PCCA: variants seen among roughly 807,000 people sequenced by gnomAD.
PCCA encodes propionyl-CoA carboxylase subunit alpha.
In PCCA, 74 loss-of-function variants were observed where a neutral mutation model predicts 101.3. The observed-to-expected ratio is 0.73, with a 90% CI of 0.61 to 0.89. The LOEUF (loss-of-function observed/expected upper bound fraction) is 0.89. Ranked by LOEUF, PCCA falls within the 40% of genes least tolerant of loss-of-function variation. PCCA has a pLI of 0.00. For synonymous variants in PCCA, 294 were observed against 313.6 expected (o/e 0.94, Z 0.66); for missense variants, 891 against 907.0 (o/e 0.98, Z 0.23).
At chr13:100,524,983 GGATAGATAGATAGATAGATAGATA>G (rs201979758) in intron 22 of PCCA, among the ~76,000 whole-genome samples, 33 of 137,276 alleles carry the variant, frequency 2.4e-4, no homozygotes, top group African/African-American at 6.8e-4. Flanking sequence ...TCTCTAAGAT[GGATAGATAGATAGATAGATAGATA>G]GATAGATAGA....
chr13:100,272,893 A>G (rs531805916), intron 11 of PCCA, among the ~76,000 whole-genome samples: 1 of 152,326 alleles, frequency 6.6e-6, no homozygotes, highest in South Asian at 2.1e-4. Flanking sequence ...TTCTGAATAT[A>G]TATGTTAAAT....
intron 6 of PCCA, among the ~76,000 whole-genome samples, chr13:100,177,060 A>G (rs550437441): frequency 8.6e-4 from 131 of 152,354 alleles, no homozygotes; most frequent in Non-Finnish European, 1.5e-3. Context: ...CATGCGTCCT[A>G]TCACTGCATT....
rs2065560519 is a variant in PCCA, at chr13:100,296,674, T to A, written c.1066-4786T>A. 2.0e-5 allele frequency among the ~76,000 whole-genome samples: 3 copies of A among 152,232 alleles called. No homozygotes were observed. In the South Asian group the frequency reaches 6.2e-4, roughly 32 times the overall value. On this transcript the variant is annotated intron_variant, in intron 12 of 23. Coordinates refer to ENST00000376285, the MANE Select transcript of PCCA (RefSeq NM_000282.4). ...ACCACATTTACTTTATCTTTCTATC[T>A]ATATCTGTATTTACTGGAAGCATTT...
At chr13:100,482,014 A>T (rs2083983492) in intron 21 of PCCA, among the ~76,000 whole-genome samples, 1 of 152,214 alleles carries the variant, frequency 6.6e-6, no homozygotes, top group Non-Finnish European at 1.5e-5. Context: ...TGAATAATAA[A>T]AATAATATAT....
At position 100,257,649 on chromosome 13, in the gene PCCA, T is replaced by G. The variant is rs148972617; in HGVS notation, c.692T>G (p.Ile231Ser). 6 of 1,613,322 alleles carry G rather than the reference T, an allele frequency of 3.7e-6. No individual in the cohort carries two copies. Among genetic ancestry groups the G allele is most frequent in the Non-Finnish European group, 3.4e-6 (4 of 1,179,412 alleles). ...SAGGGGKGMR[I>S]AWDDEETRDG... is the part of the protein sequence containing the mutation. Reference sequence around the variant, plus strand: ...GGTGGTGGTGGGAAAGGCATGCGCATTGCTTGGGATGATGAAGAGACCAGG... The same window carrying G: ...GGTGGTGGTGGGAAAGGCATGCGCAGTGCTTGGGATGATGAAGAGACCAGG... The change falls in exon 9 of 24, where the codon ATT becomes AGT. Residue 231 changes from isoleucine (I) to serine (S), a missense_variant. By Grantham distance (142) the Ile-to-Ser change is moderately radical. Transcript: ENST00000376285.
intron 12 of PCCA, among the ~76,000 whole-genome samples, chr13:100,273,911 T>A (rs936242488): frequency 6.6e-6 from 1 of 152,212 alleles, no homozygotes; most frequent in Admixed American, 6.5e-5. Flanking sequence ...ACCGGTGGCT[T>A]TATTTCCTTC....
At chr13:100,242,808 G>A (rs1316464258) in intron 8 of PCCA, among the ~76,000 whole-genome samples, 1 of 152,068 alleles carries the variant, frequency 6.6e-6, no homozygotes, top group African/African-American at 2.4e-5. Flanking sequence ...AATAGTATAG[G>A]ATTCTCTGCA....
At chr13:100,271,020 G>A (rs1361446732) in intron 11 of PCCA, among the ~76,000 whole-genome samples, 1 of 149,722 alleles carries the variant, frequency 6.7e-6, no homozygotes, top group Non-Finnish European at 1.5e-5. Context: ...CCCACCCCCC[G>A]AAAAATAAAA....
intron 18 of PCCA, among the ~76,000 whole-genome samples, chr13:100,349,613 A>G (rs74243364): frequency 0.019 from 2,856 of 152,258 alleles, 109 homozygotes; most frequent in East Asian, 0.12. Flanking sequence ...GTATTTGAGC[A>G]GGGGTTAAAG....
chr13:100,489,475 A>C (rs1160708204), intron 21 of PCCA, among the ~76,000 whole-genome samples: 1 of 152,238 alleles, frequency 6.6e-6, no homozygotes, highest in Admixed American at 6.5e-5. Context: ...CCTCTGACCT[A>C]GATGATTAGT....
At chr13:100,192,109 T>A (rs1364907510) in intron 6 of PCCA, among the ~76,000 whole-genome samples, 2 of 152,218 alleles carry the variant, frequency 1.3e-5, no homozygotes, top group African/African-American at 4.8e-5. Context: ...TCTTTTATTA[T>A]TTATGCAGTT....
At chr13:100,306,221 C>T (rs1374230667) in intron 14 of PCCA, among the ~76,000 whole-genome samples, 1 of 152,198 alleles carries the variant, frequency 6.6e-6, no homozygotes, top group Non-Finnish European at 1.5e-5. Context: ...AGGCTTCTTC[C>T]CACAGGTGGA....
intron 6 of PCCA, among the ~76,000 whole-genome samples, chr13:100,195,516 A>G (rs2058053605): frequency 6.6e-6 from 1 of 152,166 alleles, no homozygotes; most frequent in Admixed American, 6.5e-5. Flanking sequence ...AATTCATCCC[A>G]AAGCTTGTTT....
At position 100,089,102 on chromosome 13, in the gene PCCA, G is replaced by T; in HGVS notation, c.-19G>T. The T allele has an allele frequency of 6.8e-7, 1 of 1,470,722 alleles. No homozygotes were observed. 91.1% of individuals were successfully genotyped at this position (1,470,722 alleles called of 1,614,324 possible). ...GGCTGTGTGAGAGGTCAGCAGAGGG[G>T]CGGTCTGCGGGGACAACAATGGCGG... On this transcript the variant is annotated 5_prime_UTR_variant, in exon 1 of 24. Transcript: ENST00000376285.
chr13:100,200,219 C>T (rs568819726), intron 6 of PCCA, among the ~76,000 whole-genome samples: 9 of 152,188 alleles, frequency 5.9e-5, no homozygotes, highest in Admixed American at 1.3e-4. Flanking sequence ...GTTCTCCTGC[C>T]TCAGCCTCCT....
Position 100,268,743 on chromosome 13 carries a change from A to T in PCCA, c.874A>T (p.Ile292Phe). Residue 292 changes from isoleucine to phenylalanine, a missense_variant, in exon 11 of 24, where the codon ATT becomes TTT. By Grantham distance (21) the Ile-to-Phe change is conservative. Coordinates refer to ENST00000376285, the MANE Select transcript of PCCA (RefSeq NM_000282.4). ...ATGGCTTAATGAAAGAGAGTGCTCAATTCAGAGAAGAAATCAGAAGGTGGT... is the reference window on the plus strand; with the variant it reads ...ATGGCTTAATGAAAGAGAGTGCTCATTTCAGAGAAGAAATCAGAAGGTGGT... ...ALWLNERECS[I>F]QRRNQKVVEE... 6.2e-7 allele frequency: 1 copy of T among 1,614,162 alleles called. No homozygotes were observed. The highest frequency in any genetic ancestry group is 1.7e-5 in the Admixed American group (1 of 60,028).
chr13:100,131,036 T>G (rs190175346), intron 4 of PCCA, among the ~76,000 whole-genome samples: 9 of 152,138 alleles, frequency 5.9e-5, no homozygotes, highest in East Asian at 3.9e-4. Context: ...ATGAGATCTG[T>G]GGAGGAAAAA....
intron 4 of PCCA, among the ~76,000 whole-genome samples, chr13:100,117,773 T>C (rs1333689300): frequency 1.3e-5 from 2 of 151,322 alleles, no homozygotes; most frequent in African/African-American, 4.9e-5. Context: ...AAAGTATATA[T>C]ATATATGTAA....
chr13:100,256,285 A>G (rs1053890675), intron 8 of PCCA, among the ~76,000 whole-genome samples: 2 of 152,140 alleles, frequency 1.3e-5, no homozygotes, highest in Non-Finnish European at 2.9e-5. Flanking sequence ...GATTACAGAC[A>G]TGAGCCACTG....
Sources: gnomAD v4.1 joint callset for allele counts (sites outside exome capture counted in the v4.1 genomes callset) on GRCh38, gnomAD v4.1.1 for gene constraint, MANE v1.5 for transcripts, NCBI Gene and HGNC (gene_info 2026-07-23, HGNC 2026-07-21) for gene names.